DENND1B: variants seen among roughly 807,000 people sequenced by gnomAD.
The protein encoded by DENND1B is DENN domain-containing protein 1B.
A neutral mutation model predicts 90.1 loss-of-function variants in DENND1B; 59 were observed. The ratio of observed to expected loss-of-function variants is 0.65; its 90% CI spans 0.53 to 0.81. The LOEUF (loss-of-function observed/expected upper bound fraction) is 0.81. Among genes scored for constraint, DENND1B ranks in the 40% least tolerant of loss-of-function variants. The pLI, the probability that DENND1B is intolerant of heterozygous loss-of-function variation, is 0.00. For synonymous variants in DENND1B, 337 were observed against 324.6 expected, an observed-to-expected ratio of 1.04 and a Z score of -0.41; for missense variants, 862 against 912.6, an observed-to-expected ratio of 0.94 and a Z score of 0.71.
intron 16 of DENND1B, among the ~76,000 whole-genome samples, chr1:197,551,047 T>C (rs1225427677): frequency 6.6e-6 from 1 of 151,348 alleles, no homozygotes. Flanking sequence ...ATGACGTATG[T>C]TTGGAACTGA....
intron 10 of DENND1B, among the ~76,000 whole-genome samples, chr1:197,623,745 T>A (rs1330261826): frequency 6.6e-6 from 1 of 151,514 alleles, no homozygotes; most frequent in Middle Eastern, 3.2e-3. Context: ...TATTGATACA[T>A]CATTGTCATC....
rs1325310704 is a variant in DENND1B, at chr1:197,505,701, A to C, written c.*4759T>G. The C allele has an allele frequency of 1.4e-4, 7 of 48,490 alleles. No individual in the cohort carries two copies. The Admixed American group carries it at 2.2e-3, about 15-fold the overall frequency. 3.0% of individuals were successfully genotyped at this position (48,490 alleles called of 1,614,324 possible). On this transcript the variant is annotated 3_prime_UTR_variant, in exon 23 of 23. Coordinates refer to ENST00000620048, the MANE Select transcript of DENND1B (RefSeq NM_001195215.2). The stretch of plus-strand genomic sequence containing the variant: ...GAAGCTCTAAGATTAAACAAACTGT[A>C]CATCATACAAAAAATTAATTTACAC...
intron 5 of DENND1B, among the ~76,000 whole-genome samples, chr1:197,663,414 C>T (rs1322220026): frequency 1.3e-5 from 2 of 152,040 alleles, no homozygotes; most frequent in Admixed American, 6.6e-5. Flanking sequence ...CTCCTAGAAA[C>T]GTCAAGAAAG....
At chr1:197,651,750 G>GGTT (rs1309490527) in intron 7 of DENND1B, among the ~76,000 whole-genome samples, 1 of 147,532 alleles carries the variant, frequency 6.8e-6, no homozygotes, top group Admixed American at 6.9e-5. Flanking sequence ...CCGCCTCCCG[G>GGTT]GTTCACGCCA....
At chr1:197,652,905 AC>A (rs1260589610) in intron 6 of DENND1B, among the ~76,000 whole-genome samples, 2 of 152,008 alleles carry the variant, frequency 1.3e-5, no homozygotes, top group African/African-American at 4.8e-5. Context: ...CTTGATGTGC[AC>A]CCTCAATTTT....
chr1:197,569,563 TACACACAC>T (rs4026518), intron 15 of DENND1B, among the ~76,000 whole-genome samples: 249 of 147,544 alleles, frequency 1.7e-3, no homozygotes, highest in Admixed American at 2.0e-3. Context: ...AAATGTGGTA[TACACACAC>T]ACACACACAC....
intron 20 of DENND1B, among the ~76,000 whole-genome samples, chr1:197,526,626 A>G (rs1669151511): frequency 6.6e-6 from 1 of 152,184 alleles, no homozygotes; most frequent in South Asian, 2.1e-4. Flanking sequence ...TTGAAGAGTA[A>G]AATTACAACA....
At chr1:197,580,258 A>ATT (rs36028786) in intron 15 of DENND1B, among the ~76,000 whole-genome samples, 8,734 of 113,096 alleles carry the variant, frequency 0.077, 462 homozygotes, top group Non-Finnish European at 0.099. Flanking sequence ...CGCCCAGCTA[A>ATT]TTTTTTTTTT....
chr1:197,618,928 T>A (rs1677900672), intron 10 of DENND1B, among the ~76,000 whole-genome samples: 1 of 151,230 alleles, frequency 6.6e-6, no homozygotes, highest in Non-Finnish European at 1.5e-5. Context: ...GCCACATTTG[T>A]CTATGTTTAA....
At chr1:197,723,611 A>C (rs899782975) in intron 2 of DENND1B, among the ~76,000 whole-genome samples, 1 of 152,320 alleles carries the variant, frequency 6.6e-6, no homozygotes, top group Non-Finnish European at 1.5e-5. Flanking sequence ...AGGGAAAAAA[A>C]GTTAATAGGT....
intron 16 of DENND1B, among the ~76,000 whole-genome samples, chr1:197,547,895 C>G (rs1312834167): frequency 6.6e-6 from 1 of 152,130 alleles, no homozygotes; most frequent in Non-Finnish European, 1.5e-5. Flanking sequence ...TTAAAAAGCT[C>G]TCATCAGTTC....
chr1:197,618,981 G>A (rs1037136439), intron 10 of DENND1B, among the ~76,000 whole-genome samples: 1 of 151,056 alleles, frequency 6.6e-6, no homozygotes, highest in Admixed American at 6.6e-5. Flanking sequence ...AAAATAACTC[G>A]ATTTGAACCA....
intron 3 of DENND1B, among the ~76,000 whole-genome samples, chr1:197,679,740 T>C (rs926390096): frequency 2.0e-5 from 3 of 150,504 alleles, no homozygotes; most frequent in African/African-American, 7.3e-5. Context: ...TTATTCTCAT[T>C]AGTTTAAGAA....
At chr1:197,731,572 T>C (rs576454243) in intron 2 of DENND1B, among the ~76,000 whole-genome samples, 1 of 152,184 alleles carries the variant, frequency 6.6e-6, no homozygotes, top group Non-Finnish European at 1.5e-5. Flanking sequence ...TCAAACTTCA[T>C]ATAGACATGC....
At chr1:197,714,914 A>T in intron 3 of DENND1B, 117 bp downstream of exon 3, 1 of 761,558 alleles carries the variant, frequency 1.3e-6, no homozygotes, top group Non-Finnish European at 2.2e-6. Flanking sequence ...TGATCAAGAG[A>T]AAATAATTTT....
intron 2 of DENND1B, among the ~76,000 whole-genome samples, chr1:197,728,203 C>T (rs1454320226): frequency 1.3e-5 from 2 of 152,146 alleles, no homozygotes; most frequent in African/African-American, 4.8e-5. Context: ...TGTTTAAAAA[C>T]TCCCCAGGTG....
chr1:197,772,828 A>C (rs1040986485), intron 2 of DENND1B, 40 bp downstream of exon 2: 5 of 1,520,108 alleles, frequency 3.3e-6, no homozygotes, highest in African/African-American at 1.4e-5. Flanking sequence ...TCCCAAAAAA[A>C]AGAGACCTTG....
At chr1:197,618,274 A>C (rs557225782) in intron 10 of DENND1B, among the ~76,000 whole-genome samples, 8 of 151,178 alleles carry the variant, frequency 5.3e-5, no homozygotes, top group Non-Finnish European at 8.9e-5. Context: ...CGACAGTTGG[A>C]GCTTCAGTAA....
At chr1:197,584,316 T>C (rs1384497289) in intron 14 of DENND1B, among the ~76,000 whole-genome samples, 2 of 152,170 alleles carry the variant, frequency 1.3e-5, no homozygotes, top group Admixed American at 6.5e-5. Flanking sequence ...TAATACACTA[T>C]AGAACTGTAC....
Sources: gnomAD v4.1 joint callset for allele counts (sites outside exome capture counted in the v4.1 genomes callset) on GRCh38, gnomAD v4.1.1 for gene constraint, MANE v1.5 for transcripts, NCBI Gene and HGNC (gene_info 2026-07-23, HGNC 2026-07-21) for gene names.